Variants in CALCR observed in about 807,000 individuals in gnomAD.
The protein encoded by CALCR is calcitonin receptor.
Under a neutral mutation model 59.5 loss-of-function variants are expected in CALCR, and 47 were observed. That is an observed-to-expected ratio of 0.79 (90% CI 0.63 to 1.01). The LOEUF (loss-of-function observed/expected upper bound fraction) is 1.01. CALCR is among the 50% of genes least tolerant of loss of function. CALCR has a pLI of 0.00. For missense variants in CALCR, 566 were observed against 597.1 expected (o/e 0.95, Z 0.54); for synonymous variants, 213 against 211.3 (o/e 1.01, Z -0.07).
At chr7:93,543,272 G>A (rs1296343951) in intron 2 of CALCR, among the ~76,000 whole-genome samples, 23 of 152,090 alleles carry the variant, frequency 1.5e-4, no homozygotes. Flanking sequence ...AGCCTCCAGA[G>A]CAGCTGAGAT....
intron 8 of CALCR, among the ~76,000 whole-genome samples, chr7:93,447,304 G>A (rs938333100): frequency 6.6e-6 from 1 of 151,984 alleles, no homozygotes; most frequent in Non-Finnish European, 1.5e-5. Flanking sequence ...ATGTTCAGTA[G>A]TGAATTTATT....
chr7:93,444,818 T>C (rs1350105572), intron 8 of CALCR, among the ~76,000 whole-genome samples: 2 of 152,136 alleles, frequency 1.3e-5, no homozygotes, highest in Non-Finnish European at 1.5e-5. Flanking sequence ...TACTCTGTTT[T>C]ACATTATGCT....
rs563763164 is a variant in CALCR, at chr7:93,556,400, GC to G, written c.-27+17888del. On this transcript the variant is annotated intron_variant, in intron 2 of 13. Coordinates refer to ENST00000426151, the MANE Select transcript of CALCR (RefSeq NM_001742.4). ...GTCTTTCACTTTTTCATTAAAATTT[GC>G]TCTAAAATATTTTCCATTATATTTT... Among the ~76,000 whole-genome samples, 804 of 152,086 alleles carry G rather than the reference GC, an allele frequency of 5.3e-3. 8 individuals are homozygous for G. Among genetic ancestry groups the G allele is most frequent in the African/African-American group, 0.018 (764 of 41,512 alleles).
intron 2 of CALCR, among the ~76,000 whole-genome samples, chr7:93,566,556 G>A (rs1789868148): frequency 6.6e-6 from 1 of 152,118 alleles, no homozygotes; most frequent in South Asian, 2.1e-4. Flanking sequence ...AATTCCATTT[G>A]AGTACAGCAG....
chr7:93,460,593 G>GTGTA (rs1296016997), intron 8 of CALCR, among the ~76,000 whole-genome samples: 3 of 89,352 alleles, frequency 3.4e-5, no homozygotes, highest in African/African-American at 1.6e-4. Flanking sequence ...ATATATATAT[G>GTGTA]TATATATATA....
At chr7:93,554,455 AC>A (rs977002627) in intron 2 of CALCR, among the ~76,000 whole-genome samples, 2 of 152,098 alleles carry the variant, frequency 1.3e-5, no homozygotes, top group African/African-American at 4.8e-5. Context: ...GCTAGACAGT[AC>A]AAGTGACCTC....
At chr7:93,539,224 G>A (rs1280381474) in intron 2 of CALCR, among the ~76,000 whole-genome samples, 1 of 152,060 alleles carries the variant, frequency 6.6e-6, no homozygotes, top group African/African-American at 2.4e-5. Context: ...TCTCTCCTCT[G>A]AGGCTTCTTG....
rs566691962 is a variant in CALCR at position 93,561,590 on chromosome 7, A to T, written c.-27+12699T>A. Among the ~76,000 whole-genome samples, 3 of 152,330 alleles carry T rather than the reference A, an allele frequency of 2.0e-5. 1 individual carries two copies. Among genetic ancestry groups the T allele is most frequent in the African/African-American group, 7.2e-5 (3 of 41,586 alleles). ...CAACTATCACCATCATTAGATAAAA[A>T]GGAGGGATATTTTTGATCCAGAAGG... On this transcript the variant is annotated intron_variant, in intron 2 of 13. Coordinates refer to ENST00000426151, the MANE Select transcript of CALCR (RefSeq NM_001742.4).
At chr7:93,483,780 TA>T (rs1368558743) in intron 3 of CALCR, among the ~76,000 whole-genome samples, 1 of 151,714 alleles carries the variant, frequency 6.6e-6, no homozygotes, top group African/African-American at 2.4e-5. Flanking sequence ...GGGGGTTAAA[TA>T]AAAATATGAT....
chr7:93,518,405 T>C (rs1458239687), intron 2 of CALCR, among the ~76,000 whole-genome samples: 1 of 151,864 alleles, frequency 6.6e-6, no homozygotes, highest in African/African-American at 2.4e-5. Context: ...TACTCATAAA[T>C]ACTTGACTTT....
chr7:93,572,686 A>T (rs1790035758), intron 2 of CALCR, among the ~76,000 whole-genome samples: 1 of 152,204 alleles, frequency 6.6e-6, no homozygotes, highest in South Asian at 2.1e-4. Context: ...TCTTCAACTG[A>T]TTAGAGCAAA....
chr7:93,481,887 T>G (rs1307021447), intron 3 of CALCR, among the ~76,000 whole-genome samples: 3 of 151,862 alleles, frequency 2.0e-5, no homozygotes, highest in Non-Finnish European at 2.9e-5. Flanking sequence ...CTTTCCCCAC[T>G]GGTCTTCAGA....
intron 2 of CALCR, among the ~76,000 whole-genome samples, chr7:93,500,522 G>A (rs573800593): frequency 6.6e-6 from 1 of 151,970 alleles, no homozygotes; most frequent in African/African-American, 2.4e-5. Flanking sequence ...CAATAAACCA[G>A]TCTGGGGTTC....
intron 2 of CALCR, among the ~76,000 whole-genome samples, chr7:93,521,505 T>C (rs1801763970): frequency 6.6e-6 from 1 of 152,154 alleles, no homozygotes; most frequent in East Asian, 1.9e-4. Flanking sequence ...ACCAAGAAAG[T>C]ACATCCTCTA....
chr7:93,569,648 A>G (rs766015456), intron 2 of CALCR, among the ~76,000 whole-genome samples: 1 of 152,070 alleles, frequency 6.6e-6, no homozygotes, highest in Non-Finnish European at 1.5e-5. Flanking sequence ...TCCATTCCCC[A>G]TGAAATCAGG....
chr7:93,426,860 T>C (rs1001462935), intron 13 of CALCR, among the ~76,000 whole-genome samples: 6 of 152,218 alleles, frequency 3.9e-5, no homozygotes, highest in Non-Finnish European at 7.3e-5. Flanking sequence ...TCATATCCAA[T>C]GAATAAAAGT....
At chr7:93,465,782 C>G (rs967759662) in intron 7 of CALCR, among the ~76,000 whole-genome samples, 5 of 151,852 alleles carry the variant, frequency 3.3e-5, no homozygotes, top group African/African-American at 4.8e-5. Context: ...CCACCTTTTA[C>G]CTTCCCCTGC....
At chr7:93,559,487 C>A (rs1417495656) in intron 2 of CALCR, 6 of 152,044 alleles carry the variant, frequency 3.9e-5, no homozygotes, top group Admixed American at 3.9e-4. Flanking sequence ...TGTCATTAGT[C>A]AATCTATTAT....
At chr7:93,574,552 T>G (rs1322829424) in intron 1 of CALCR, 46 bp from the exon 2 acceptor site, 1 of 152,300 alleles carries the variant, frequency 6.6e-6, no homozygotes, top group African/African-American at 2.4e-5. Context: ...GTCCTCCCTC[T>G]CCGCCCCTCT....
Sources: allele counts gnomAD v4.1 joint callset (sites outside exome capture counted in the v4.1 genomes callset), GRCh38; gene constraint gnomAD v4.1.1; transcripts MANE v1.5; gene names NCBI Gene and HGNC (gene_info 2026-07-23, HGNC 2026-07-21).